The following RAPGEF4 variants were observed in gnomAD, a reference collection of about 807,000 sequenced individuals.
The protein encoded by RAPGEF4 is Rap guanine nucleotide exchange factor 4.
RAPGEF4 carries 66 observed loss-of-function variants against 147.9 expected under a neutral mutation model. The observed-to-expected ratio is 0.45, with a 90% CI of 0.37 to 0.55. The LOEUF (loss-of-function observed/expected upper bound fraction) is 0.55. Among genes scored for constraint, RAPGEF4 ranks in the 20% least tolerant of loss-of-function variants. The probability of loss-of-function intolerance (pLI) is 0.00; values close to 1 mark genes in which losing one functional copy is unlikely to be tolerated. For synonymous variants in RAPGEF4, 419 were observed against 442.7 expected (o/e 0.95, Z 0.67); for missense variants, 1,071 against 1,257.3 (o/e 0.85, Z 2.24).
Position 172,988,790 on chromosome 2 carries a change from A to C in RAPGEF4, c.1325A>C (p.Asn442Thr), listed in dbSNP as rs1692530589. 5.0e-6 allele frequency: 8 copies of C among 1,613,624 alleles called. No individual in the cohort carries two copies. Among genetic ancestry groups the C allele is most frequent in the East Asian group, 2.2e-5 (1 of 44,896 alleles). Residue 442 changes from asparagine (N) to threonine (T), a missense_variant, in exon 14 of 31, where the codon AAC becomes ACC. Transcript: ENST00000397081. ...GCCTCTATCGTCTTACGAGAAGATAACTGCCATTTCTTAAGAGTAGACAAG... is the reference window on the plus strand; with the variant it reads ...GCCTCTATCGTCTTACGAGAAGATACCTGCCATTTCTTAAGAGTAGACAAG... ...RAASIVLREDNCHFLRVDKED... is the reference protein window; with the variant it reads ...RAASIVLREDTCHFLRVDKED...
intron 29 of RAPGEF4, 169 bp downstream of exon 29, chr2:173,036,861 G>T (rs1035609821): frequency 7.9e-6 from 4 of 505,990 alleles, no homozygotes; most frequent in Non-Finnish European, 1.0e-5. Context: ...TATTCTGTCA[G>T]TTCTCTTTTG....
At chr2:172,848,636 T>G (rs1692473972) in intron 4 of RAPGEF4, among the ~76,000 whole-genome samples, 1 of 152,166 alleles carries the variant, frequency 6.6e-6, no homozygotes, top group Admixed American at 6.5e-5. Flanking sequence ...GCTGGAAGAT[T>G]TTTATCATCT....
intron 6 of RAPGEF4, among the ~76,000 whole-genome samples, chr2:172,952,205 G>A (rs1688273373): frequency 6.6e-6 from 1 of 152,066 alleles, no homozygotes; most frequent in South Asian, 2.1e-4. Flanking sequence ...ATTATAAAGG[G>A]AAATGTCATA....
At chr2:173,028,899 A>C (rs1696915875) in intron 25 of RAPGEF4, among the ~76,000 whole-genome samples, 1 of 152,242 alleles carries the variant, frequency 6.6e-6, no homozygotes, top group Non-Finnish European at 1.5e-5. Context: ...CTCTGTTTAC[A>C]TTCGTGGAGG....
At chr2:172,891,146 G>T (rs1162266681) in intron 4 of RAPGEF4, among the ~76,000 whole-genome samples, 1 of 151,860 alleles carries the variant, frequency 6.6e-6, no homozygotes, top group Admixed American at 6.6e-5. Context: ...AAAAAAAAAA[G>T]GAATTTCAAG....
chr2:173,033,548 T>C (rs1697394850), intron 26 of RAPGEF4, among the ~76,000 whole-genome samples: 1 of 152,218 alleles, frequency 6.6e-6, no homozygotes, highest in African/African-American at 2.4e-5. Context: ...TTCTGTAATC[T>C]AAATTCCTGA....
At chr2:172,927,728 A>G (rs1316260063) in intron 6 of RAPGEF4, among the ~76,000 whole-genome samples, 1 of 152,212 alleles carries the variant, frequency 6.6e-6, no homozygotes, top group Non-Finnish European at 1.5e-5. Flanking sequence ...ACTGAATTCA[A>G]ACTGTTTTCT....
intron 4 of RAPGEF4, among the ~76,000 whole-genome samples, chr2:172,899,652 C>T (rs950419631): frequency 1.3e-5 from 2 of 152,024 alleles, no homozygotes; most frequent in Non-Finnish European, 2.9e-5. Context: ...GGCATTGAGG[C>T]CAGGATGATC....
intron 4 of RAPGEF4, among the ~76,000 whole-genome samples, chr2:172,823,739 C>T (rs576707094): frequency 1.2e-4 from 19 of 152,120 alleles, no homozygotes; most frequent in Non-Finnish European, 1.9e-4. Context: ...CAGTCTTGCC[C>T]CTGTTTGATC....
chr2:172,830,748 C>T (rs1690208442), intron 4 of RAPGEF4, among the ~76,000 whole-genome samples: 1 of 152,190 alleles, frequency 6.6e-6, no homozygotes, highest in Admixed American at 6.5e-5. Context: ...GGGCTATAGG[C>T]ACGTGCCACC....
intron 4 of RAPGEF4, among the ~76,000 whole-genome samples, chr2:172,899,669 TCTGC>T (rs2149951850): frequency 6.6e-6 from 1 of 152,254 alleles, no homozygotes; most frequent in African/African-American, 2.4e-5. Flanking sequence ...GATCCGTTTT[TCTGC>T]TGGGTGGCAC....
intron 6 of RAPGEF4, among the ~76,000 whole-genome samples, chr2:172,926,033 CGGAGGGAGGGAG>C (rs568855259): frequency 1.7e-4 from 9 of 52,598 alleles, no homozygotes; most frequent in Non-Finnish European, 2.7e-4. Flanking sequence ...GAGGGAGGGA[CGGAGGGAGGGAG>C]GGAGGGAGGG....
intron 4 of RAPGEF4, among the ~76,000 whole-genome samples, chr2:172,857,400 G>C (rs988177961): frequency 2.0e-5 from 3 of 152,178 alleles, no homozygotes; most frequent in Non-Finnish European, 4.4e-5. Flanking sequence ...TTATGCACCA[G>C]ACTCATCCCA....
At chr2:173,002,621 C>CCT (rs1694042952) in intron 17 of RAPGEF4, among the ~76,000 whole-genome samples, 1 of 138,944 alleles carries the variant, frequency 7.2e-6, no homozygotes, top group Non-Finnish European at 1.6e-5. Context: ...TTTATTCTTT[C>CCT]TTTTTTTTTT....
chr2:172,964,860 G>A (rs1689666223), intron 8 of RAPGEF4, among the ~76,000 whole-genome samples: 2 of 152,128 alleles, frequency 1.3e-5, no homozygotes, highest in Admixed American at 1.3e-4. Context: ...ACTAATGTAT[G>A]CAGTTTGCTT....
intron 1 of RAPGEF4, among the ~76,000 whole-genome samples, chr2:172,774,990 G>A (rs139679962): frequency 1.1e-3 from 167 of 152,290 alleles, no homozygotes; most frequent in African/African-American, 3.8e-3. Context: ...ACTTGGGACT[G>A]GGATAAGTGT....
intron 26 of RAPGEF4, among the ~76,000 whole-genome samples, chr2:173,032,799 A>G (rs1486339035): frequency 6.6e-6 from 1 of 152,228 alleles, no homozygotes; most frequent in Non-Finnish European, 1.5e-5. Context: ...AGGAAAGAGA[A>G]AGAGCCAAGA....
chr2:172,985,349 A>C, intron 11 of RAPGEF4, 84 bp from the exon 12 acceptor site: 1 of 1,597,840 alleles, frequency 6.3e-7, no homozygotes. Flanking sequence ...GACAGTTTGC[A>C]TTGTGCCCCC....
chr2:172,889,874 A>G, intron 4 of RAPGEF4: 4 of 951,418 alleles, frequency 4.2e-6, no homozygotes, highest in Non-Finnish European at 5.0e-6. Context: ...TTACTCCAGT[A>G]TGCAAGACTG....
Sources: allele counts gnomAD v4.1 joint callset (sites outside exome capture counted in the v4.1 genomes callset), GRCh38; gene constraint gnomAD v4.1.1; transcripts MANE v1.5; gene names NCBI Gene and HGNC (gene_info 2026-07-23, HGNC 2026-07-21).